Variants in TMTC1 observed in about 807,000 individuals in gnomAD.
TMTC1 encodes transmembrane O-mannosyltransferase targeting cadherins 1, also known as protein O-mannosyl-transferase TMTC1.
Under a neutral mutation model 104.8 loss-of-function variants are expected in TMTC1, and 73 were observed. The observed-to-expected ratio is 0.70, with a 90% CI of 0.58 to 0.85. The LOEUF (loss-of-function observed/expected upper bound fraction) is 0.85, where lower values mean the gene tolerates loss of function less well. Among genes scored for constraint, TMTC1 ranks in the 40% least tolerant of loss-of-function variants. The pLI is 0.00. For missense variants in TMTC1, 1,035 were observed against 1,096.1 expected, an observed-to-expected ratio of 0.94 and a Z score of 0.79; for synonymous variants, 434 against 428.7, an observed-to-expected ratio of 1.01 and a Z score of -0.15.
intron 12 of TMTC1, among the ~76,000 whole-genome samples, chr12:29,520,142 T>C (rs1249854380): frequency 6.6e-6 from 1 of 152,224 alleles, no homozygotes. Context: ...GCACCTGTCA[T>C]ATAAGAGCAT....
At chr12:29,541,834 T>C (rs560201642) in intron 10 of TMTC1, among the ~76,000 whole-genome samples, 15 of 152,184 alleles carry the variant, frequency 9.9e-5, no homozygotes, top group South Asian at 4.2e-4. Flanking sequence ...AACTTTTGTA[T>C]TTTTAGGAGA....
intron 9 of TMTC1, among the ~76,000 whole-genome samples, chr12:29,570,443 ACTT>A (rs527295321): frequency 3.9e-5 from 6 of 152,198 alleles, no homozygotes; most frequent in Non-Finnish European, 8.8e-5. Flanking sequence ...GTAATATAAA[ACTT>A]CTTCAACAAA....
chr12:29,709,587 A>G (rs976438638), intron 5 of TMTC1, among the ~76,000 whole-genome samples: 2 of 152,184 alleles, frequency 1.3e-5, no homozygotes, highest in Non-Finnish European at 2.9e-5. Flanking sequence ...CAGATTTTCT[A>G]AATAAACAGA....
chr12:29,682,835 G>A (rs1940964532), intron 5 of TMTC1, among the ~76,000 whole-genome samples: 1 of 152,018 alleles, frequency 6.6e-6, no homozygotes, highest in Admixed American at 6.6e-5. Flanking sequence ...CTTGAGTGTG[G>A]TGGTGCTTAC....
At chr12:29,606,980 C>CT (rs1223171466) in intron 6 of TMTC1, among the ~76,000 whole-genome samples, 7 of 152,138 alleles carry the variant, frequency 4.6e-5, no homozygotes, top group African/African-American at 1.4e-4. Flanking sequence ...CCTGCCCCCC[C>CT]CCCTCACTCA....
At chr12:29,696,867 T>A (rs562740423) in intron 5 of TMTC1, among the ~76,000 whole-genome samples, 1 of 152,320 alleles carries the variant, frequency 6.6e-6, no homozygotes, top group Non-Finnish European at 1.5e-5. Flanking sequence ...TAATAAAACT[T>A]GAACTTATAG....
At chr12:29,588,653 A>G (rs564915984) in intron 7 of TMTC1, among the ~76,000 whole-genome samples, 3 of 152,370 alleles carry the variant, frequency 2.0e-5, no homozygotes, top group Admixed American at 6.5e-5. Context: ...AGTAAAAAAC[A>G]CACAGGGCAT....
chr12:29,572,520 T>G (rs1486952579), intron 8 of TMTC1, among the ~76,000 whole-genome samples: 1 of 152,222 alleles, frequency 6.6e-6, no homozygotes, highest in Non-Finnish European at 1.5e-5. Context: ...GAGACACAGC[T>G]GGAGTCTGGG....
intron 9 of TMTC1, among the ~76,000 whole-genome samples, chr12:29,566,592 G>T (rs1344739930): frequency 6.6e-6 from 1 of 152,284 alleles, no homozygotes; most frequent in African/African-American, 2.4e-5. Context: ...GCAGGGCAAA[G>T]GTGAAAACCA....
At position 29,505,578 on chromosome 12, in the gene TMTC1, GA is replaced by G. The variant is rs539170131; in HGVS notation, c.*1267del. On this transcript the variant is annotated 3_prime_UTR_variant, in exon 18 of 18. Coordinates refer to ENST00000539277, the MANE Select transcript of TMTC1 (RefSeq NM_001193451.2). ...TGATATTAAAACCACTTTGTACAGA[GA>G]AAAAAGAAGAGTGTGTATGTATATA... 486 of 151,930 alleles carry G rather than the reference GA, an allele frequency of 3.2e-3. 2 individuals are homozygous for G. Among genetic ancestry groups the G allele is most frequent in the African/African-American group, 0.011 (450 of 41,444 alleles). 9.4% of individuals were successfully genotyped at this position (151,930 alleles called of 1,614,324 possible).
chr12:29,508,805 C>T (rs948581602), intron 17 of TMTC1, among the ~76,000 whole-genome samples: 14 of 151,994 alleles, frequency 9.2e-5, no homozygotes, highest in Admixed American at 4.6e-4. Context: ...CTCAAACCCC[C>T]GACCTCAGGT....
At chr12:29,633,748 T>C (rs113841684) in intron 5 of TMTC1, among the ~76,000 whole-genome samples, 1,683 of 152,292 alleles carry the variant, frequency 0.011, 30 homozygotes, top group African/African-American at 0.039. Context: ...CTGATCTATA[T>C]TGAGTTATTT....
chr12:29,550,583 G>C (rs564753538), intron 10 of TMTC1, among the ~76,000 whole-genome samples: 6 of 152,218 alleles, frequency 3.9e-5, no homozygotes, highest in Admixed American at 3.9e-4. Flanking sequence ...TCAAAGAGGA[G>C]CATTTCGGAG....
chr12:29,606,276 A>C (rs1297055853), intron 6 of TMTC1, among the ~76,000 whole-genome samples: 1 of 152,228 alleles, frequency 6.6e-6, no homozygotes, highest in African/African-American at 2.4e-5. Flanking sequence ...TTCAATGAAA[A>C]ATCTCCAAAC....
chr12:29,775,364 A>G (rs1364749494), intron 1 of TMTC1, among the ~76,000 whole-genome samples: 1 of 152,134 alleles, frequency 6.6e-6, no homozygotes, highest in Non-Finnish European at 1.5e-5. Flanking sequence ...CATCAGCCAC[A>G]AGTTCCTCAG....
In TMTC1 at chr12:29,617,536, C is replaced by CAGAGAGAGAGAGAGAGAGAGAGAG. The variant is rs145115277; in HGVS notation, c.1129-13261_1129-13238dup. ...AAACATCAGTAAGCAAAACAGACAA[C>CAGAGAGAGAGAGAGAGAGAGAGAG]AGAGAGAGAGAGAGAGAGAGAGAGA... On this transcript the variant is annotated intron_variant, in intron 6 of 17. Coordinates refer to ENST00000539277, the MANE Select transcript of TMTC1 (RefSeq NM_001193451.2). Among the ~76,000 whole-genome samples the CAGAGAGAGAGAGAGAGAGAGAGAG allele has an allele frequency of 2.2e-3, 301 of 134,948 alleles. 1 individual carries two copies. Among genetic ancestry groups the CAGAGAGAGAGAGAGAGAGAGAGAG allele is most frequent in the South Asian group, 6.2e-3 (26 of 4,174 alleles). 88.5% of individuals were successfully genotyped at this position (134,948 alleles called of 152,430 possible). A position where few individuals can be genotyped will look rare whatever the true frequency, so the allele number is the denominator to read the frequency against.
intron 1 of TMTC1, among the ~76,000 whole-genome samples, chr12:29,778,514 AGGCTTACAAACAGGTCATGG>A (rs1327189358): frequency 6.6e-6 from 1 of 152,228 alleles, no homozygotes; most frequent in Non-Finnish European, 1.5e-5. Flanking sequence ...TCTTGATTTC[AGGCTTACAAACAGGTCATGG>A]CCAGGGAAGG....
chr12:29,610,668 C>G (rs1039650832), intron 6 of TMTC1, among the ~76,000 whole-genome samples: 2 of 152,164 alleles, frequency 1.3e-5, no homozygotes, highest in African/African-American at 4.8e-5. Context: ...GATTCCGGCC[C>G]CAGTGGTCAC....
intron 1 of TMTC1, among the ~76,000 whole-genome samples, chr12:29,780,008 A>T (rs578247664): frequency 6.6e-6 from 1 of 152,336 alleles, no homozygotes; most frequent in Non-Finnish European, 1.5e-5. Context: ...AAACAGCAAC[A>T]ATACAAAGTG....
Sources: allele counts gnomAD v4.1 joint callset (sites outside exome capture counted in the v4.1 genomes callset), GRCh38; gene constraint gnomAD v4.1.1; transcripts MANE v1.5; gene names NCBI Gene and HGNC (gene_info 2026-07-23, HGNC 2026-07-21).